SEH1L: variants seen among roughly 807,000 people sequenced by gnomAD.
SEH1L encodes the protein nucleoporin SEH1.
In SEH1L, 18 loss-of-function variants were observed where a neutral mutation model predicts 49.5. The observed-to-expected ratio is 0.36, with a 90% confidence interval of 0.25 to 0.54. The LOEUF (loss-of-function observed/expected upper bound fraction) is 0.54, where lower values mean the gene tolerates loss of function less well. Among genes scored for constraint, SEH1L ranks in the 20% least tolerant of loss-of-function variants. SEH1L has a pLI of 0.87. For missense variants in SEH1L, 404 were observed against 528.8 expected (o/e 0.76, Z 2.31); for synonymous variants, 169 against 178.1 (o/e 0.95, Z 0.41).
intron 8 of SEH1L, chr18:12,985,210 C>T: frequency 6.2e-7 from 1 of 1,600,624 alleles, no homozygotes; most frequent in Non-Finnish European, 8.5e-7. Flanking sequence ...TGCATTTTCC[C>T]TTTTCCATTT....
At chr18:12,979,811 G>A (rs1419584368) in intron 6 of SEH1L, among the ~76,000 whole-genome samples, 4 of 144,388 alleles carry the variant, frequency 2.8e-5, no homozygotes, top group Non-Finnish European at 4.6e-5. Context: ...TCACTTCCCA[G>A]TAGGGGCGGC....
At chr18:12,986,659 C>G in intron 8 of SEH1L, 6 of 1,207,366 alleles carry the variant, frequency 5.0e-6, no homozygotes, top group Non-Finnish European at 6.2e-6. Flanking sequence ...CTTAAGCAAT[C>G]TTGATTTGAG....
intron 6 of SEH1L, among the ~76,000 whole-genome samples, chr18:12,981,007 G>T (rs2032224254): frequency 6.7e-6 from 1 of 148,204 alleles, no homozygotes; most frequent in Non-Finnish European, 1.5e-5. Flanking sequence ...GGGCGGAGGG[G>T]CTCCTCACTT....
At chr18:12,979,243 A>T (rs900549160) in intron 6 of SEH1L, among the ~76,000 whole-genome samples, 2 of 149,246 alleles carry the variant, frequency 1.3e-5, no homozygotes, top group Non-Finnish European at 3.0e-5. Flanking sequence ...GTCCCTGGGT[A>T]CTTGAGATTA....
At chr18:12,956,139 G>A (rs1046670135) in intron 3 of SEH1L, among the ~76,000 whole-genome samples, 1 of 151,392 alleles carries the variant, frequency 6.6e-6, no homozygotes, top group African/African-American at 2.4e-5. Context: ...CCGCCTCCCG[G>A]GTTCACGCCA....
intron 2 of SEH1L, among the ~76,000 whole-genome samples, chr18:12,954,389 A>G (rs1347826707): frequency 6.6e-6 from 1 of 152,196 alleles, no homozygotes; most frequent in Non-Finnish European, 1.5e-5. Context: ...ATAGTCTGTT[A>G]TCGATAGACT....
intron 3 of SEH1L, among the ~76,000 whole-genome samples, chr18:12,960,759 A>G (rs193149391): frequency 6.2e-3 from 942 of 152,332 alleles, no homozygotes; most frequent in South Asian, 0.013. Context: ...TTGAATTTCA[A>G]GATACTTATT....
intron 3 of SEH1L, among the ~76,000 whole-genome samples, chr18:12,960,847 G>C (rs1460752111): frequency 6.6e-6 from 1 of 152,102 alleles, no homozygotes; most frequent in Non-Finnish European, 1.5e-5. Context: ...CTCATTTCTT[G>C]CCTCTTCAAA....
At chr18:12,948,360 C>G in intron 1 of SEH1L, 128 bp downstream of exon 1, 1 of 685,750 alleles carries the variant, frequency 1.5e-6, no homozygotes, top group South Asian at 1.8e-5. Context: ...GCGGGCGAGC[C>G]CTGGCTGGAC....
chr18:12,953,182 A>G (rs570315538), intron 2 of SEH1L, among the ~76,000 whole-genome samples: 27 of 152,040 alleles, frequency 1.8e-4, no homozygotes, highest in African/African-American at 6.3e-4. Flanking sequence ...GTTCATCCAT[A>G]TTGTGTCATG....
chr18:12,986,267 G>T (rs2032453146), intron 8 of SEH1L: 5 of 985,338 alleles, frequency 5.1e-6, no homozygotes, highest in South Asian at 4.7e-5. Flanking sequence ...GATGGAAGAA[G>T]AATAACAGTA....
chr18:12,980,712 C>T (rs1244148023), intron 6 of SEH1L, among the ~76,000 whole-genome samples: 3 of 107,358 alleles, frequency 2.8e-5, no homozygotes, highest in Admixed American at 8.5e-5. Context: ...CCCCACTTCC[C>T]TCCCGGACGG....
chr18:12,986,218 A>C (rs1283494979), intron 8 of SEH1L: 20 of 985,310 alleles, frequency 2.0e-5, no homozygotes, highest in Admixed American at 6.1e-5. Context: ...TAAATATTTA[A>C]GTTTGCTAAT....
intron 2 of SEH1L, among the ~76,000 whole-genome samples, chr18:12,952,651 C>A (rs895913478): frequency 1.3e-5 from 2 of 152,184 alleles, no homozygotes; most frequent in Admixed American, 1.3e-4. Context: ...TTCTCTCAAA[C>A]TCAGAAATTC....
intron 3 of SEH1L, among the ~76,000 whole-genome samples, chr18:12,957,291 G>A (rs2030924748): frequency 6.6e-6 from 1 of 151,750 alleles, no homozygotes; most frequent in Non-Finnish European, 1.5e-5. Context: ...AGCTGAGCAT[G>A]GTGGCACATG....
intron 6 of SEH1L, 25 bp from the exon 7 acceptor site, chr18:12,982,493 C>T: frequency 6.3e-7 from 1 of 1,592,294 alleles, no homozygotes; most frequent in Non-Finnish European, 8.6e-7. Context: ...TTTGGAATGC[C>T]TCAGAAAATG....
intron 4 of SEH1L, among the ~76,000 whole-genome samples, chr18:12,965,009 CT>C (rs138934038): frequency 1.9e-4 from 16 of 82,624 alleles, no homozygotes; most frequent in Admixed American, 7.2e-4. Flanking sequence ...TTTCCTCATT[CT>C]TTTTTTTTTT....
In SEH1L at chr18:12,982,656, G is replaced by T. The variant is rs752834677; in HGVS notation, c.900G>T (p.Gly300=). Residue 300 remains glycine, a synonymous_variant, in exon 7 of 9, where the codon GGG becomes GGT. Coordinates refer to ENST00000399892, the MANE Select transcript of SEH1L (RefSeq NM_001013437.2). ...TGCTAGCATCTTCAGGAGATGATGG[G>T]TGTGTAAGATTGTGGAAAGGTAAGA... ...GTVLASSGDD[G]CVRLWKANYM... The T allele has an allele frequency of 5.0e-6, 8 of 1,611,734 alleles. No homozygotes were observed. The South Asian group carries it at 5.5e-5, about 11-fold the overall frequency.
At chr18:12,985,538 A>G in intron 8 of SEH1L, 5 of 1,183,452 alleles carry the variant, frequency 4.2e-6, no homozygotes, top group Non-Finnish European at 5.2e-6. Flanking sequence ...TCCTGAAACT[A>G]ATTTGGGTTT....
Sources: gnomAD v4.1 joint callset for allele counts (sites outside exome capture counted in the v4.1 genomes callset) on GRCh38, gnomAD v4.1.1 for gene constraint, MANE v1.5 for transcripts, NCBI Gene and HGNC (gene_info 2026-07-23, HGNC 2026-07-21) for gene names.